Variants in LRIF1 observed in about 807,000 individuals in gnomAD.
LRIF1 encodes the protein ligand-dependent nuclear receptor-interacting factor 1.
Under a neutral mutation model 52.7 loss-of-function variants are expected in LRIF1, and 32 were observed. The ratio of observed to expected loss-of-function variants is 0.61; its 90% CI spans 0.46 to 0.82. LRIF1 has a LOEUF of 0.82. LRIF1 is among the 40% of genes least tolerant of loss of function. The pLI, the probability that LRIF1 is intolerant of heterozygous loss-of-function variation, is 0.00. For synonymous variants in LRIF1, 323 were observed against 317.4 expected (o/e 1.02, Z -0.19); for missense variants, 887 against 892.0 (o/e 0.99, Z 0.07).
the LRIF1 span, chr1:110,894,203 GC>G: frequency 2.0e-5 from 15 of 764,616 alleles, no homozygotes; most frequent in Admixed American, 4.2e-5. Flanking sequence ...GCTTACAACG[GC>G]CTGAGGAGGC....
At chr1:110,908,130 T>G in the LRIF1 span, among the ~76,000 whole-genome samples, 1 of 152,206 alleles carries the variant, frequency 6.6e-6, no homozygotes, top group Non-Finnish European at 1.5e-5. Context: ...TTGATTCCTA[T>G]CTCACATCAC....
intron 3 of LRIF1, 114 bp downstream of exon 3, chr1:110,949,737 C>T (rs755419235): frequency 1.1e-5 from 13 of 1,174,390 alleles, no homozygotes; most frequent in Non-Finnish European, 1.4e-5. Context: ...TTTGCAAAAC[C>T]AGTAACAACC....
chr1:110,962,180 C>T (rs1421697923), intron 1 of LRIF1, among the ~76,000 whole-genome samples: 1 of 151,680 alleles, frequency 6.6e-6, no homozygotes, highest in Non-Finnish European at 1.5e-5. Flanking sequence ...AGTCAGAAGT[C>T]AGTAAGTATT....
At chr1:110,914,268 C>CA in the LRIF1 span, among the ~76,000 whole-genome samples, 29 of 151,904 alleles carry the variant, frequency 1.9e-4, no homozygotes, top group African/African-American at 7.0e-4. Context: ...ACAATTTACC[C>CA]ATGTAACAAA....
chr1:110,907,024 G>A, the LRIF1 span, among the ~76,000 whole-genome samples: 9 of 152,270 alleles, frequency 5.9e-5, no homozygotes, highest in African/African-American at 2.2e-4. Flanking sequence ...TTCTTAAAGA[G>A]GCCCCATGCT....
chr1:110,899,424 G>A, the LRIF1 span: 14 of 444,828 alleles, frequency 3.1e-5, no homozygotes, highest in South Asian at 4.0e-4. Flanking sequence ...CTCTCAAAGT[G>A]GTGAAACTAA....
rs1435605082 is a variant in LRIF1 at position 110,963,888 on chromosome 1, G to C, written c.-200C>G. 1 of 445,162 alleles carries C rather than the reference G, an allele frequency of 2.2e-6. No individual in the cohort carries two copies. The highest frequency in any genetic ancestry group is 3.4e-5 in the East Asian group (1 of 29,018). 27.6% of individuals were successfully genotyped at this position (445,162 alleles called of 1,614,324 possible). ...AGGCTTCGGGACGAGGTCGCGCACC[G>C]CGCAGAAACCGGAAGGCTCCTGGCG... On this transcript the variant is annotated 5_prime_UTR_variant, in exon 1 of 4. Transcript: ENST00000369763.
chr1:110,886,869 A>ATATATATTTTTTT, the LRIF1 span, among the ~76,000 whole-genome samples: 59 of 82,790 alleles, frequency 7.1e-4, no homozygotes, highest in Non-Finnish European at 9.6e-4. Flanking sequence ...ATATATATAT[A>ATATATATTTTTTT]TTTTTTTTTT....
chr1:110,947,800 G>T lies in LRIF1; in HGVS notation c.*159C>A. ...TGTAAATTATTCACAAGTCATATGT[G>T]AATCAACCTTTTCTGTATTCCTTAA... On this transcript the variant is annotated 3_prime_UTR_variant, in exon 4 of 4. Coordinates refer to ENST00000369763, the MANE Select transcript of LRIF1 (RefSeq NM_018372.4). 1.0e-6 allele frequency: 1 copy of T among 984,270 alleles called. No homozygotes were observed. Among genetic ancestry groups the T allele is most frequent in the Non-Finnish European group, 1.4e-6 (1 of 710,138 alleles). 61.0% of individuals were successfully genotyped at this position (984,270 alleles called of 1,614,324 possible). A position where few individuals can be genotyped will look rare whatever the true frequency, so the allele number is the denominator to read the frequency against.
the LRIF1 span, among the ~76,000 whole-genome samples, chr1:110,893,405 C>T: frequency 6.6e-6 from 1 of 152,310 alleles, no homozygotes; most frequent in South Asian, 2.1e-4. Flanking sequence ...TCACCACAGC[C>T]TCCGCCTCCC....
the LRIF1 span, among the ~76,000 whole-genome samples, chr1:110,887,665 T>C: frequency 6.6e-6 from 1 of 152,206 alleles, no homozygotes; most frequent in Admixed American, 6.5e-5. Context: ...CTGTTCCCTA[T>C]TACTGAGGCT....
At chr1:110,959,713 G>A (rs995335256) in intron 1 of LRIF1, among the ~76,000 whole-genome samples, 1 of 144,182 alleles carries the variant, frequency 6.9e-6, no homozygotes, top group Non-Finnish European at 1.5e-5. Flanking sequence ...CACTCCACCT[G>A]GCGACAGAGC....
chr1:110,954,311 G>A (rs1184018616), intron 1 of LRIF1, among the ~76,000 whole-genome samples: 4 of 151,952 alleles, frequency 2.6e-5, no homozygotes, highest in Non-Finnish European at 4.4e-5. Context: ...GACAGGGCCC[G>A]GCTCTGTCAT....
At chr1:110,883,933 GT>G in the LRIF1 span, among the ~76,000 whole-genome samples, 2 of 151,824 alleles carry the variant, frequency 1.3e-5, no homozygotes, top group African/African-American at 4.8e-5. Context: ...TTGATTACCT[GT>G]GTATAAGTTT....
downstream of LRIF1, among the ~76,000 whole-genome samples, chr1:110,942,890 G>A (rs1026967053): frequency 6.6e-6 from 1 of 152,042 alleles, no homozygotes; most frequent in Non-Finnish European, 1.5e-5. Context: ...GTCAAAAGAG[G>A]AGTTCCTGAA....
At position 110,950,080 on chromosome 1, in the gene LRIF1, C is replaced by T. The variant is rs1447313263; in HGVS notation, c.1640G>A (p.Gly547Glu). ...TTGAGAATCTTTCTTGTCATTTCTT[C>T]CTTGGGCACCTTTATCTGATGTTGA... ...MASTSDKGAQ[G>E]RNDKKDSQGR... Residue 547 changes from glycine to glutamate, a missense_variant, in exon 3 of 4, where the codon GGA (glycine) becomes GAA (glutamate). Transcript: ENST00000369763. 5.0e-6 allele frequency: 8 copies of T among 1,613,768 alleles called. No homozygotes were observed. The South Asian group carries it at 8.8e-5, about 18-fold the overall frequency.
chr1:110,932,195 T>A, the LRIF1 span, among the ~76,000 whole-genome samples: 1 of 152,246 alleles, frequency 6.6e-6, no homozygotes, highest in Non-Finnish European at 1.5e-5. Context: ...TTCAGCTTTC[T>A]ACATATGGCT....
At chr1:110,909,801 G>A in the LRIF1 span, among the ~76,000 whole-genome samples, 55 of 151,886 alleles carry the variant, frequency 3.6e-4, no homozygotes, top group African/African-American at 1.3e-3. Flanking sequence ...GGCTGGTCTC[G>A]AACTCCTGAC....
rs1658389719 is a variant in LRIF1, at chr1:110,949,920, A to G, written c.1800T>C (p.Phe600=). Residue 600 remains phenylalanine, a synonymous_variant, in exon 3 of 4, where the codon TTT becomes TTC. Coordinates refer to ENST00000369763, the MANE Select transcript of LRIF1 (RefSeq NM_018372.4). ...AAGTACCACTCTTTACCAAACTGCT[A>G]AAGGAATCGAAACCTTCTCCAGAGG... ...HLTSGEGFDS[F]SSLVKSGTYK... 1 of 1,614,142 alleles carries G rather than the reference A, an allele frequency of 6.2e-7. No individual in the cohort carries two copies. Among genetic ancestry groups the G allele is most frequent in the Non-Finnish European group, 8.5e-7 (1 of 1,180,006 alleles).
Sources: gnomAD v4.1 joint callset for allele counts (sites outside exome capture counted in the v4.1 genomes callset) on GRCh38, gnomAD v4.1.1 for gene constraint, MANE v1.5 for transcripts, NCBI Gene and HGNC (gene_info 2026-07-23, HGNC 2026-07-21) for gene names.